TMEM132D: variants seen among roughly 807,000 people sequenced by gnomAD.
The protein encoded by TMEM132D is mature OL transmembrane protein.
A neutral mutation model predicts 62.3 loss-of-function variants in TMEM132D; 21 were observed. The ratio of observed to expected loss-of-function variants is 0.34; its 90% CI spans 0.24 to 0.49. The LOEUF (loss-of-function observed/expected upper bound fraction) is 0.49, where lower values mean the gene tolerates loss of function less well. Ranked by LOEUF, TMEM132D falls within the 20% of genes least tolerant of loss-of-function variation. TMEM132D has a pLI of 0.99. For synonymous variants in TMEM132D, 621 were observed against 575.6 expected, an observed-to-expected ratio of 1.08 and a Z score of -1.13; for missense variants, 1,346 against 1,402.8, an observed-to-expected ratio of 0.96 and a Z score of 0.65.
intron 2 of TMEM132D, among the ~76,000 whole-genome samples, chr12:129,656,235 G>C (rs1419750856): frequency 2.0e-5 from 3 of 151,898 alleles, no homozygotes; most frequent in Non-Finnish European, 4.4e-5. Context: ...GGAGAAAAAG[G>C]AGAGAAGGAA....
At chr12:129,515,546 A>G (rs1326937466) in intron 3 of TMEM132D, among the ~76,000 whole-genome samples, 3 of 152,148 alleles carry the variant, frequency 2.0e-5, no homozygotes, top group Non-Finnish European at 2.9e-5. Context: ...GGAATACTGC[A>G]GAAGCAGAAG....
intron 2 of TMEM132D, among the ~76,000 whole-genome samples, chr12:129,674,618 C>T (rs960004986): frequency 6.6e-6 from 1 of 152,184 alleles, no homozygotes; most frequent in Non-Finnish European, 1.5e-5. Flanking sequence ...CGGCTGACTG[C>T]AACCTCCGCC....
intron 4 of TMEM132D, among the ~76,000 whole-genome samples, chr12:129,274,843 C>T (rs575611832): frequency 6.6e-6 from 1 of 152,250 alleles, no homozygotes; most frequent in South Asian, 2.1e-4. Context: ...GCCGAGATAG[C>T]GCCACTGCAC....
At chr12:129,327,828 A>ATC (rs1868965119) in intron 4 of TMEM132D, among the ~76,000 whole-genome samples, 1 of 152,236 alleles carries the variant, frequency 6.6e-6, no homozygotes, top group Non-Finnish European at 1.5e-5. Context: ...GATATTAAAA[A>ATC]ATAAATCATG....
chr12:129,102,316 G>A (rs529840709), intron 5 of TMEM132D, among the ~76,000 whole-genome samples: 10 of 148,752 alleles, frequency 6.7e-5, no homozygotes, highest in South Asian at 2.2e-4. Context: ...ATGCACACAC[G>A]TGTACACACT....
At chr12:129,720,141 G>A (rs77989142) in intron 1 of TMEM132D, among the ~76,000 whole-genome samples, 44 of 152,186 alleles carry the variant, frequency 2.9e-4, no homozygotes, top group South Asian at 1.5e-3. Flanking sequence ...AACCTTGCAC[G>A]CAGGAATGGT....
chr12:129,252,697 A>G (rs962032062), intron 4 of TMEM132D, among the ~76,000 whole-genome samples: 1 of 152,132 alleles, frequency 6.6e-6, no homozygotes, highest in Non-Finnish European at 1.5e-5. Context: ...CTGGGTATAT[A>G]CCCAAAGGAT....
chr12:129,617,964 G>C (rs1219006029), intron 2 of TMEM132D, among the ~76,000 whole-genome samples: 1 of 152,162 alleles, frequency 6.6e-6, no homozygotes, highest in South Asian at 2.1e-4. Flanking sequence ...GATGCTTTCT[G>C]GTACCTCGTA....
intron 4 of TMEM132D, among the ~76,000 whole-genome samples, chr12:129,220,620 T>C (rs771238569): frequency 5.3e-5 from 8 of 152,188 alleles, no homozygotes; most frequent in Non-Finnish European, 1.2e-4. Context: ...ACTCATGTTC[T>C]GCTAAGTCTA....
intron 5 of TMEM132D, among the ~76,000 whole-genome samples, chr12:129,190,793 T>TA (rs1303016711): frequency 6.6e-6 from 1 of 152,190 alleles, no homozygotes; most frequent in Non-Finnish European, 1.5e-5. Context: ...TTTAAGCCAC[T>TA]AAATTTGTAG....
At chr12:129,394,488 G>C (rs538372529) in intron 3 of TMEM132D, among the ~76,000 whole-genome samples, 2 of 152,270 alleles carry the variant, frequency 1.3e-5, no homozygotes, top group African/African-American at 4.8e-5. Flanking sequence ...ACACCTCTCC[G>C]GGCCTGCGTG....
chr12:129,572,254 GCA>G (rs1200783473), intron 2 of TMEM132D, among the ~76,000 whole-genome samples: 2 of 152,358 alleles, frequency 1.3e-5, no homozygotes, highest in Admixed American at 6.5e-5. Flanking sequence ...TTCATGCTGT[GCA>G]CAGTGTCTGG....
At chr12:129,242,531 C>A (rs1394423401) in intron 4 of TMEM132D, among the ~76,000 whole-genome samples, 1 of 152,056 alleles carries the variant, frequency 6.6e-6, no homozygotes, top group African/African-American at 2.4e-5. Flanking sequence ...TTTTTCTTCC[C>A]TGACAACACT....
chr12:129,608,546 G>A (rs1053726365), intron 2 of TMEM132D, among the ~76,000 whole-genome samples: 5 of 152,162 alleles, frequency 3.3e-5, no homozygotes, highest in Admixed American at 6.5e-5. Flanking sequence ...TGGAAATGCA[G>A]TCAATTTTCT....
At chr12:129,572,741 G>T (rs1318354717) in intron 2 of TMEM132D, among the ~76,000 whole-genome samples, 2 of 151,936 alleles carry the variant, frequency 1.3e-5, no homozygotes, top group Non-Finnish European at 2.9e-5. Flanking sequence ...GAGCCAGCGC[G>T]CCCGGCCCAG....
intron 3 of TMEM132D, among the ~76,000 whole-genome samples, chr12:129,423,396 C>A (rs1472830368): frequency 3.3e-5 from 5 of 152,122 alleles, no homozygotes; most frequent in African/African-American, 1.2e-4. Context: ...TCAGAGGAAG[C>A]CACTCTCTTC....
chr12:129,903,376 C>A lies in TMEM132D; in HGVS notation c.-37G>T. 1 of 1,547,432 alleles carries A rather than the reference C, an allele frequency of 6.5e-7. No individual in the cohort carries two copies. The highest frequency in any genetic ancestry group is 1.2e-5 in the South Asian group (1 of 83,986). On this transcript the variant is annotated 5_prime_UTR_variant, in exon 1 of 9. Coordinates refer to ENST00000422113, the MANE Select transcript of TMEM132D (RefSeq NM_133448.3). The surrounding 1 kb of genome is among the most constrained non-coding windows in gnomAD (Gnocchi z 6.2). ...GGAGCGCAGATCCTCCGCTCCCCGG[C>A]GCCGTCCAGGCGAACAAGAGACCGT...
chr12:129,135,134 G>A (rs116461088), intron 5 of TMEM132D, among the ~76,000 whole-genome samples: 3,424 of 152,314 alleles, frequency 0.022, 145 homozygotes, highest in African/African-American at 0.078. Flanking sequence ...CAGAGAGTAT[G>A]TCAAGATGGA....
intron 5 of TMEM132D, among the ~76,000 whole-genome samples, chr12:129,089,495 C>CA (rs1565960541): frequency 5.0e-5 from 1 of 19,936 alleles, no homozygotes; most frequent in Non-Finnish European, 8.2e-5. Flanking sequence ...CCTCCATGAC[C>CA]GGGTGTCCTC....
Sources: allele counts gnomAD v4.1 joint callset (sites outside exome capture counted in the v4.1 genomes callset), GRCh38; gene constraint gnomAD v4.1.1; non-coding constraint Gnocchi (gnomAD v3.1); transcripts MANE v1.5; gene names NCBI Gene and HGNC (gene_info 2026-07-23, HGNC 2026-07-21).